COL4A5: variants seen among roughly 807,000 people sequenced by gnomAD.
COL4A5 encodes collagen alpha-5(IV) chain.
Under a neutral mutation model 130.2 loss-of-function variants are expected in COL4A5, and 26 were observed. The observed-to-expected ratio is 0.20, with a 90% CI of 0.15 to 0.28. COL4A5 has a LOEUF of 0.28. Ranked by LOEUF, COL4A5 falls within the 10% of genes least tolerant of loss-of-function variation. COL4A5 has a pLI of 1.00. For missense variants in COL4A5, 1,131 were observed against 1,344.3 expected (o/e 0.84, Z 2.48); for synonymous variants, 496 against 439.6 (o/e 1.13, Z -1.60).
Position 108,677,510 on chromosome X carries a change from T to C in COL4A5, c.3819T>C (p.Gly1273=), listed in dbSNP as rs775815758. 2 of 1,209,203 alleles carry C rather than the reference T, an allele frequency of 1.7e-6. No individual in the cohort carries two copies. Among genetic ancestry groups the C allele is most frequent in the South Asian group, 3.5e-5 (2 of 56,911 alleles). ...PGPTGFQGLP[G]PEGPPGLPGN... The stretch of plus-strand genomic sequence containing the variant: ...CTGTGGATTATTAAGGTCTACCAGG[T>C]CCAGAAGGTCCTCCAGGTCTCCCTG... The change falls in exon 44 of 53, where the codon GGT becomes GGC. Residue 1273 remains glycine, a synonymous_variant. Transcript: ENST00000328300.
At chrX:108,440,949 A>G (rs1031869619) in intron 1 of COL4A5, among the ~76,000 whole-genome samples, 1 of 111,498 alleles carries the variant, frequency 9.0e-6, no homozygotes, top group African/African-American at 3.3e-5. Flanking sequence ...CCCATCACCT[A>G]TTCAAAGGAA....
At chrX:108,585,565 T>C (rs1353730029) in intron 18 of COL4A5, among the ~76,000 whole-genome samples, 1 of 111,554 alleles carries the variant, frequency 9.0e-6, no homozygotes, top group African/African-American at 3.2e-5. Context: ...TGTCTTCTTT[T>C]GTGTGAATAT....
intron 37 of COL4A5, 52 bp downstream of exon 37, chrX:108,655,509 A>G: frequency 8.5e-7 from 1 of 1,174,534 alleles, no homozygotes. Flanking sequence ...ATCTACTCCA[A>G]CCAGTATCAC....
chrX:108,553,940 A>G (rs2065786497), intron 2 of COL4A5, among the ~76,000 whole-genome samples: 1 of 112,097 alleles, frequency 8.9e-6, no homozygotes, highest in Non-Finnish European at 1.9e-5. Flanking sequence ...TTGAATCTCT[A>G]AGTAATTATG....
At chrX:108,555,329 C>T (rs1384991568) in intron 2 of COL4A5, among the ~76,000 whole-genome samples, 2 of 111,850 alleles carry the variant, frequency 1.8e-5, no homozygotes, top group East Asian at 2.8e-4. Flanking sequence ...TTTTGACAGT[C>T]GCCAAAGGTC....
intron 2 of COL4A5, among the ~76,000 whole-genome samples, chrX:108,546,035 AC>A (rs2065645858): frequency 1.8e-5 from 2 of 111,422 alleles, no homozygotes; most frequent in African/African-American, 3.3e-5. Flanking sequence ...TGAATACAGC[AC>A]CCTGGTGGGT....
chrX:108,449,894 T>C (rs1363011544), intron 1 of COL4A5, among the ~76,000 whole-genome samples: 5 of 112,110 alleles, frequency 4.5e-5, no homozygotes, highest in Non-Finnish European at 9.4e-5. Context: ...ATGAATTTTT[T>C]TGGAGGGGAC....
intron 2 of COL4A5, among the ~76,000 whole-genome samples, chrX:108,548,126 T>A (rs973476185): frequency 4.5e-5 from 5 of 111,578 alleles, no homozygotes; most frequent in Non-Finnish European, 9.4e-5. Flanking sequence ...CTGCACCCAC[T>A]GTCTGACAAT....
chrX:108,587,454 G>A (rs1469116363), intron 19 of COL4A5, among the ~76,000 whole-genome samples: 1 of 111,285 alleles, frequency 9.0e-6, no homozygotes, highest in Non-Finnish European at 1.9e-5. Context: ...ATAGAACTCC[G>A]TTCTTTTATG....
rs1569481244 is a variant in COL4A5 at position 108,526,721 on chromosome X, CT to C, written c.82-13022del. On this transcript the variant is annotated intron_variant, in intron 1 of 52. Transcript: ENST00000328300. ...TCTTTCTTTCTTTCTTTCTTTCTTT[CT>C]TTCTTCCTCCTCCTCCTCCTTCTTC... 4.6e-4 allele frequency among the ~76,000 whole-genome samples: 38 copies of C among 82,161 alleles called. No individual in the cohort carries two copies. The Admixed American group carries it at 5.1e-3, about 11-fold the overall frequency. 71.3% of individuals were successfully genotyped at this position (82,161 alleles called of 115,157 possible).
chrX:108,522,814 T>A, intron 1 of COL4A5, among the ~76,000 whole-genome samples: 1 of 109,150 alleles, frequency 9.2e-6, no homozygotes. Context: ...TAACTTTTTT[T>A]GTTACTTGTA....
chrX:108,638,039 A>C (rs891964372), intron 36 of COL4A5, among the ~76,000 whole-genome samples: 1 of 110,697 alleles, frequency 9.0e-6, no homozygotes, highest in Non-Finnish European at 1.9e-5. Context: ...AAAAAAATTG[A>C]AGAGGAGGGA....
chrX:108,537,425 T>G (rs925023210), intron 1 of COL4A5, among the ~76,000 whole-genome samples: 1 of 111,929 alleles, frequency 8.9e-6, no homozygotes, highest in African/African-American at 3.2e-5. Context: ...TTGCAAAAAA[T>G]TATACAAAAT....
At chrX:108,524,967 G>A (rs1252750610) in intron 1 of COL4A5, among the ~76,000 whole-genome samples, 1 of 111,880 alleles carries the variant, frequency 8.9e-6, no homozygotes, top group South Asian at 3.7e-4. Flanking sequence ...ATATTCTACT[G>A]TAATTGGGCA....
chrX:108,577,853 A>T, intron 10 of COL4A5, 99 bp from the exon 11 acceptor site: 1 of 685,292 alleles, frequency 1.5e-6, no homozygotes, highest in South Asian at 2.9e-5. Flanking sequence ...TACTATTTTG[A>T]TGGGCTTTTT....
Position 108,566,253 on chromosome X carries a change from A to AT in COL4A5, c.276+2329dup, listed in dbSNP as rs1157158066. Reference sequence around the variant, plus strand: ...AATTCTTCAACTTTTTTTTTTTTTCATTATATGCACATGGAATTTGTGTGT... The same window carrying AT: ...AATTCTTCAACTTTTTTTTTTTTTCATTTATATGCACATGGAATTTGTGTGT... On this transcript the variant is annotated intron_variant, in intron 4 of 52. Coordinates refer to ENST00000328300, the MANE Select transcript of COL4A5 (RefSeq NM_033380.3). 7.4e-5 allele frequency among the ~76,000 whole-genome samples: 8 copies of AT among 107,522 alleles called. No individual in the cohort carries two copies. The East Asian group carries it at 2.3e-3, about 31-fold the overall frequency. 93.4% of individuals were successfully genotyped at this position (107,522 alleles called of 115,157 possible). A position where few individuals can be genotyped will look rare whatever the true frequency, so the allele number is the denominator to read the frequency against.
At chrX:108,579,913 C>A (rs1433782161) in intron 13 of COL4A5, among the ~76,000 whole-genome samples, 1 of 111,276 alleles carries the variant, frequency 9.0e-6, no homozygotes, top group African/African-American at 3.3e-5. Flanking sequence ...TTATTTACCT[C>A]AAATCTTGGC....
At chrX:108,556,656 G>C (rs1414002096) in intron 2 of COL4A5, among the ~76,000 whole-genome samples, 1 of 111,256 alleles carries the variant, frequency 9.0e-6, no homozygotes, top group East Asian at 2.8e-4. Context: ...TACAGTAGTT[G>C]TAAGGATTAA....
intron 1 of COL4A5, among the ~76,000 whole-genome samples, chrX:108,464,950 T>G (rs1174337408): frequency 1.8e-5 from 2 of 111,896 alleles, no homozygotes; most frequent in Non-Finnish European, 3.8e-5. Flanking sequence ...ATGTACTAGT[T>G]TTAAGTGTAC....
Sources: gnomAD v4.1 joint callset for allele counts (sites outside exome capture counted in the v4.1 genomes callset) on GRCh38, gnomAD v4.1.1 for gene constraint, MANE v1.5 for transcripts, NCBI Gene and HGNC (gene_info 2026-07-23, HGNC 2026-07-21) for gene names.